The following SGCZ variants were observed in gnomAD, a reference collection of about 807,000 sequenced individuals.
SGCZ encodes sarcoglycan zeta.
Under a neutral mutation model 41.3 loss-of-function variants are expected in SGCZ, and 40 were observed. The ratio of observed to expected loss-of-function variants is 0.97; its 90% confidence interval spans 0.75 to 1.26. SGCZ has a LOEUF of 1.26. Ranked by LOEUF, SGCZ falls within the 50% of genes most tolerant of loss-of-function variation. SGCZ has a pLI of 0.00. For synonymous variants in SGCZ, 206 were observed against 137.5 expected, an observed-to-expected ratio of 1.50 and a Z score of -3.49; for missense variants, 552 against 369.8, an observed-to-expected ratio of 1.49 and a Z score of -4.04.
intron 4 of SGCZ, among the ~76,000 whole-genome samples, chr8:14,209,563 G>A (rs1163139406): frequency 6.6e-6 from 1 of 151,918 alleles, no homozygotes; most frequent in African/African-American, 2.4e-5. Flanking sequence ...TGGAATATAT[G>A]GGAATATTTA....
intron 4 of SGCZ, among the ~76,000 whole-genome samples, chr8:14,172,684 C>G (rs1328967672): frequency 6.6e-6 from 1 of 151,994 alleles, no homozygotes; most frequent in South Asian, 2.1e-4. Flanking sequence ...TCCTAAGGAC[C>G]ATTTGCAAAT....
intron 1 of SGCZ, among the ~76,000 whole-genome samples, chr8:14,899,742 C>T (rs1438882674): frequency 6.6e-6 from 1 of 150,844 alleles, no homozygotes; most frequent in African/African-American, 2.4e-5. Context: ...CCAGCCTATA[C>T]CTCAAAATGA....
chr8:15,112,177 C>A (rs192073422), intron 1 of SGCZ, among the ~76,000 whole-genome samples: 1 of 152,142 alleles, frequency 6.6e-6, no homozygotes. Context: ...TCTTTCACCG[C>A]GAGAACATAG....
intron 5 of SGCZ, among the ~76,000 whole-genome samples, chr8:14,144,008 G>T (rs991255961): frequency 6.6e-6 from 1 of 152,108 alleles, no homozygotes; most frequent in Non-Finnish European, 1.5e-5. Flanking sequence ...ACCACCAAGG[G>T]ATACAGTGCT....
chr8:14,344,191 AG>A (rs1802811506), intron 2 of SGCZ, among the ~76,000 whole-genome samples: 1 of 152,144 alleles, frequency 6.6e-6, no homozygotes, highest in African/African-American at 2.4e-5. Context: ...ACAAGTGAAT[AG>A]GGGTACAGAG....
rs1801568443 is a variant in SGCZ, at chr8:14,087,859, A to G, written c.*2584T>C. 6.6e-6 allele frequency among the ~76,000 whole-genome samples: 1 copy of G among 151,772 alleles called. No homozygotes were observed. The highest frequency in any genetic ancestry group is 2.4e-5 in the African/African-American group (1 of 41,406). On this transcript the variant is annotated 3_prime_UTR_variant, in exon 8 of 8. Transcript: ENST00000382080. ...GAAATCTGAAACAGCTAGTCAGATAACTTAAAGCAATTATTTGGTGTTGAA... is the reference window on the plus strand; with the variant it reads ...GAAATCTGAAACAGCTAGTCAGATAGCTTAAAGCAATTATTTGGTGTTGAA...
intron 1 of SGCZ, among the ~76,000 whole-genome samples, chr8:14,827,279 C>T (rs1802366085): frequency 6.7e-6 from 1 of 148,774 alleles, no homozygotes; most frequent in Admixed American, 6.7e-5. Flanking sequence ...CTCTGTCACC[C>T]AGGCTGGAGG....
chr8:14,671,388 C>G (rs1808097457), intron 1 of SGCZ, among the ~76,000 whole-genome samples: 1 of 152,106 alleles, frequency 6.6e-6, no homozygotes, highest in African/African-American at 2.4e-5. Context: ...AATGGAATCA[C>G]TTGATTTTAA....
chr8:15,065,993 G>C (rs1805125316), intron 1 of SGCZ, among the ~76,000 whole-genome samples: 1 of 152,104 alleles, frequency 6.6e-6, no homozygotes, highest in South Asian at 2.1e-4. Context: ...CTTTATTCTA[G>C]TATTCATATT....
intron 1 of SGCZ, among the ~76,000 whole-genome samples, chr8:14,772,826 A>G (rs375532341): frequency 6.6e-6 from 1 of 151,874 alleles, no homozygotes; most frequent in Non-Finnish European, 1.5e-5. Flanking sequence ...CCAGTCTATC[A>G]TTGTTGGACA....
chr8:15,121,426 T>C (rs1320754403), intron 1 of SGCZ, among the ~76,000 whole-genome samples: 4 of 152,154 alleles, frequency 2.6e-5, no homozygotes, highest in Non-Finnish European at 5.9e-5. Context: ...AAATGTGTCA[T>C]ATAGCAGATG....
chr8:14,156,987 A>G (rs961462182), intron 5 of SGCZ, among the ~76,000 whole-genome samples: 2 of 152,202 alleles, frequency 1.3e-5, no homozygotes, highest in Admixed American at 6.5e-5. Context: ...ACTACAGTAT[A>G]CTATAGTAAA....
At chr8:14,232,177 T>C (rs1198308670) in intron 4 of SGCZ, among the ~76,000 whole-genome samples, 1 of 151,888 alleles carries the variant, frequency 6.6e-6, no homozygotes, top group African/African-American at 2.4e-5. Context: ...TTTTTAAGTG[T>C]GTAGCTGATT....
intron 5 of SGCZ, among the ~76,000 whole-genome samples, chr8:14,141,081 C>T (rs538842429): frequency 6.6e-6 from 1 of 152,274 alleles, no homozygotes; most frequent in East Asian, 1.9e-4. Flanking sequence ...AAAGGATTCC[C>T]TATTTAATAA....
rs1245008191 is a variant in SGCZ at position 14,198,416 on chromosome 8, G to A, written c.425-33714C>T. Among the ~76,000 whole-genome samples the A allele has an allele frequency of 2.0e-5, 3 of 152,212 alleles. No homozygotes were observed. In the East Asian group the frequency reaches 5.8e-4, roughly 29 times the overall value. ...AAAGTGCTTATTTTAAGTCAAAAAA[G>A]GAACAATGGACATTAGGGAATATAA... On this transcript the variant is annotated intron_variant, in intron 4 of 7. Transcript: ENST00000382080.
intron 1 of SGCZ, among the ~76,000 whole-genome samples, chr8:15,097,154 G>A (rs1038649647): frequency 6.6e-6 from 1 of 152,050 alleles, no homozygotes. Flanking sequence ...AACTGTTTGG[G>A]CCACTGTTAC....
At chr8:15,218,295 T>C (rs1433123144) in intron 1 of SGCZ, among the ~76,000 whole-genome samples, 4 of 152,174 alleles carry the variant, frequency 2.6e-5, no homozygotes, top group South Asian at 2.1e-4. Context: ...AAAGAGCCTA[T>C]TGCCCTATTA....
chr8:14,667,398 G>T (rs1268751217), intron 1 of SGCZ, among the ~76,000 whole-genome samples: 1 of 152,122 alleles, frequency 6.6e-6, no homozygotes, highest in Non-Finnish European at 1.5e-5. Flanking sequence ...GAAAAATCCA[G>T]TGCACAAAAT....
chr8:14,708,812 A>AGT (rs61049816), intron 1 of SGCZ, among the ~76,000 whole-genome samples: 52,324 of 148,408 alleles, frequency 0.35, 9,251 homozygotes, highest in Non-Finnish European at 0.4. Flanking sequence ...GTTTTATTCG[A>AGT]GTGTGTGTGT....
Sources: allele counts gnomAD v4.1 joint callset (sites outside exome capture counted in the v4.1 genomes callset), GRCh38; gene constraint gnomAD v4.1.1; transcripts MANE v1.5; gene names NCBI Gene and HGNC (gene_info 2026-07-23, HGNC 2026-07-21).